PPARGC1B: variants seen among roughly 807,000 people sequenced by gnomAD.
PPARGC1B encodes the protein peroxisome proliferator-activated receptor gamma coactivator 1-beta.
A neutral mutation model predicts 101.6 loss-of-function variants in PPARGC1B; 34 were observed. The ratio of observed to expected loss-of-function variants is 0.33; its 90% CI spans 0.25 to 0.45. The LOEUF (loss-of-function observed/expected upper bound fraction) is 0.45. PPARGC1B is among the 20% of genes least tolerant of loss of function. The probability of loss-of-function intolerance (pLI) is 1.00; values close to 1 mark genes in which losing one functional copy is unlikely to be tolerated. For missense variants in PPARGC1B, 1,234 were observed against 1,317.6 expected (o/e 0.94, Z 0.98); for synonymous variants, 548 against 539.3 (o/e 1.02, Z -0.22).
At chr5:149,796,503 C>A (rs553538345) in intron 1 of PPARGC1B, among the ~76,000 whole-genome samples, 1 of 152,286 alleles carries the variant, frequency 6.6e-6, no homozygotes, top group Non-Finnish European at 1.5e-5. Flanking sequence ...TAACATAGTC[C>A]TGATTTACAT....
chr5:149,793,625 C>T (rs947583436), intron 1 of PPARGC1B, among the ~76,000 whole-genome samples: 12 of 152,156 alleles, frequency 7.9e-5, no homozygotes, highest in Non-Finnish European at 1.8e-4. Context: ...TCCTTCAGAC[C>T]CCAGTGCCAC....
At chr5:149,757,314 G>A (rs1042428981) in intron 1 of PPARGC1B, among the ~76,000 whole-genome samples, 1 of 151,380 alleles carries the variant, frequency 6.6e-6, no homozygotes, top group African/African-American at 2.4e-5. Flanking sequence ...GGGATCCAAC[G>A]GGAACTACAT....
At chr5:149,769,583 G>A (rs1374143829) in intron 1 of PPARGC1B, among the ~76,000 whole-genome samples, 3 of 152,182 alleles carry the variant, frequency 2.0e-5, no homozygotes, top group Non-Finnish European at 4.4e-5. Flanking sequence ...TCACTTATAC[G>A]TTGAATGGGG....
At chr5:149,857,348 C>CT (rs1160158022), downstream of PPARGC1B, among the ~76,000 whole-genome samples, 2 of 152,144 alleles carry the variant, frequency 1.3e-5, no homozygotes, top group African/African-American at 4.8e-5. Flanking sequence ...GGATCTTGAC[C>CT]TTTTTTTGAC....
chr5:149,833,474 G>A lies in PPARGC1B; in HGVS notation c.1401G>A (p.Arg467=), dbSNP rs934344678. 1.3e-6 allele frequency: 2 copies of A among 1,567,506 alleles called. No individual in the cohort carries two copies. Among genetic ancestry groups the A allele is most frequent in the African/African-American group, 2.7e-5 (2 of 73,710 alleles). ...GCCTGCCATGGACGAAGCTGGGGAG[G>A]AAGCTGGAGAGCTCTGTGTGCCCCG... ...GRGLPWTKLG[R]KLESSVCPVR... The change falls in exon 5 of 12, where the codon AGG becomes AGA. Residue 467 remains arginine, a synonymous_variant. Coordinates refer to ENST00000309241, the MANE Select transcript of PPARGC1B (RefSeq NM_133263.4). The surrounding 1 kb of genome is among the most constrained non-coding windows in gnomAD (Gnocchi z 4.1).
chr5:149,847,653 C>A lies in PPARGC1B; in HGVS notation c.*95C>A. The A allele has an allele frequency of 3.2e-6, 3 of 931,342 alleles. No homozygotes were observed. The highest frequency in any genetic ancestry group is 5.1e-6 in the Non-Finnish European group (3 of 592,220). The allele number at this position is 931,342 out of a possible 1,614,324, so 57.7% of individuals were successfully genotyped here. On this transcript the variant is annotated 3_prime_UTR_variant, in exon 12 of 12. Transcript: ENST00000309241. The stretch of plus-strand genomic sequence containing the variant: ...AAAGAAATCAAGTATATGAGGAGAG[C>A]GAGCGAGCGTGAGAGAACACCCGTG...
In PPARGC1B at chr5:149,826,974, GC is replaced by G. The variant is rs1004332165; in HGVS notation, c.465+93del. 7 of 1,005,774 alleles carry G rather than the reference GC, an allele frequency of 7.0e-6. No homozygotes were observed. In the African/African-American group the frequency reaches 1.1e-4, roughly 16 times the overall value. 62.3% of individuals were successfully genotyped at this position (1,005,774 alleles called of 1,614,324 possible). A position where few individuals can be genotyped will look rare whatever the true frequency, so the allele number is the denominator to read the frequency against. On this transcript the variant is annotated intron_variant, in intron 3 of 11. Coordinates refer to ENST00000309241, the MANE Select transcript of PPARGC1B (RefSeq NM_133263.4). ...ATGGGGTGCAGAGCAATCCGCTCCA[GC>G]CCCGCAGGGGACTCCGTGCATCACT...
intron 1 of PPARGC1B, among the ~76,000 whole-genome samples, chr5:149,783,091 A>AAGAGAGAGAGAGAG (rs56799682): frequency 4.9e-4 from 74 of 150,040 alleles, no homozygotes; most frequent in African/African-American, 1.7e-3. Flanking sequence ...ATGAGAGATA[A>AAGAGAGAGAGAGAG]AGAGAGAGAG....
rs1220124959 is a variant in PPARGC1B at position 149,847,621 on chromosome 5, C to T, written c.*63C>T. On this transcript the variant is annotated 3_prime_UTR_variant, in exon 12 of 12. Coordinates refer to ENST00000309241, the MANE Select transcript of PPARGC1B (RefSeq NM_133263.4). ...AGACAAGGCCCTTCCAATATGTTTA[C>T]GTTTTCAAAGAAATCAAGTATATGA... 5 of 1,300,044 alleles carry T rather than the reference C, an allele frequency of 3.8e-6. No individual in the cohort carries two copies. The highest frequency in any genetic ancestry group is 2.3e-5 in the East Asian group (1 of 43,160). 80.5% of individuals were successfully genotyped at this position (1,300,044 alleles called of 1,614,324 possible).
chr5:149,817,957 C>A (rs755678050), intron 1 of PPARGC1B, among the ~76,000 whole-genome samples: 5 of 152,232 alleles, frequency 3.3e-5, no homozygotes, highest in Admixed American at 6.5e-5. Flanking sequence ...AAACAGGAAA[C>A]AAACCAATTA....
In PPARGC1B at chr5:149,756,022, G is replaced by A. The variant is rs756015630; in HGVS notation, c.78+25602G>A. ...GGGTTCAAGACCTTGCTCTGCCCTC[G>A]TTTGCTGGTTGTTTGACCTTGGGCA... On this transcript the variant is annotated intron_variant, in intron 1 of 11. Transcript: ENST00000309241. 5.9e-5 allele frequency among the ~76,000 whole-genome samples: 9 copies of A among 152,154 alleles called. No homozygotes were observed. The South Asian group carries it at 1.0e-3, about 18-fold the overall frequency.
chr5:149,807,912 G>A (rs542571592), intron 1 of PPARGC1B, among the ~76,000 whole-genome samples: 15 of 152,096 alleles, frequency 9.9e-5, no homozygotes, highest in Non-Finnish European at 1.5e-4. Context: ...TGAGGGCTAA[G>A]GTAAGGCAAA....
At chr5:149,847,104 T>A in intron 11 of PPARGC1B, 1 of 351,806 alleles carries the variant, frequency 2.8e-6, no homozygotes, top group African/African-American at 2.1e-5. Flanking sequence ...AAAATTCTAG[T>A]GTTGTTAGCC....
chr5:149,820,742 C>T (rs1228237705), intron 2 of PPARGC1B, 136 bp downstream of exon 2: 1 of 881,732 alleles, frequency 1.1e-6, no homozygotes, highest in East Asian at 2.6e-5. Flanking sequence ...GCTGTTGGGC[C>T]CCGGTTTCTC....
intron 1 of PPARGC1B, among the ~76,000 whole-genome samples, chr5:149,799,326 A>C (rs1446475606): frequency 6.6e-6 from 1 of 152,070 alleles, no homozygotes; most frequent in African/African-American, 2.4e-5. Context: ...AGCTGAATTT[A>C]CCCTCTGATT....
At chr5:149,840,297 G>A (rs765860298) in intron 9 of PPARGC1B, among the ~76,000 whole-genome samples, 181 bp downstream of exon 9, 56 of 152,192 alleles carry the variant, frequency 3.7e-4, no homozygotes, top group Non-Finnish European at 6.6e-4. Context: ...TGAAGAGCAC[G>A]AGGGTCACTA....
chr5:149,845,843 G>T lies in PPARGC1B; in HGVS notation c.2900G>T (p.Arg967Leu). The change falls in exon 11 of 12, where the codon CGC becomes CTC. Residue 967 changes from arginine to leucine, a missense_variant. By Grantham distance (102) the Arg-to-Leu change is moderately radical. Transcript: ENST00000309241. ...ACAAAGGGCGCTGCCCTGAGGAAGC[G>T]CAACGAGCCCTCCTTCCAGCTGAGC... Reference protein sequence around the residue: ...SLTKGAALRKRNEPSFQLSYG... With the variant: ...SLTKGAALRKLNEPSFQLSYG... The T allele has an allele frequency of 4.3e-6, 7 of 1,614,220 alleles. No homozygotes were observed. Among genetic ancestry groups the T allele is most frequent in the Non-Finnish European group, 5.9e-6 (7 of 1,180,032 alleles).
chr5:149,838,447 G>A (rs58560614), intron 8 of PPARGC1B, among the ~76,000 whole-genome samples: 11,567 of 152,194 alleles, frequency 0.076, 749 homozygotes, highest in African/African-American at 0.17. Context: ...ATTCTTTCCC[G>A]GGGGTAGCTT....
intron 1 of PPARGC1B, chr5:149,772,081 G>A (rs1756152675): frequency 6.4e-7 from 1 of 1,572,686 alleles, no homozygotes. Flanking sequence ...TGAGGGGCCT[G>A]CTCTGATCTG....
Sources: allele counts gnomAD v4.1 joint callset (sites outside exome capture counted in the v4.1 genomes callset), GRCh38; gene constraint gnomAD v4.1.1; non-coding constraint Gnocchi (gnomAD v3.1); transcripts MANE v1.5; gene names NCBI Gene and HGNC (gene_info 2026-07-23, HGNC 2026-07-21).